Variants in GABRA2 observed in about 807,000 individuals in gnomAD.
The protein encoded by GABRA2 is gamma-aminobutyric acid type A receptor subunit alpha2.
In GABRA2, 16 loss-of-function variants were observed where a neutral mutation model predicts 48.7. The observed-to-expected ratio is 0.33, with a 90% CI of 0.22 to 0.50. The LOEUF (loss-of-function observed/expected upper bound fraction) is 0.50. GABRA2 is among the 20% of genes least tolerant of loss of function. GABRA2 has a pLI of 0.98. For missense variants in GABRA2, 275 were observed against 535.6 expected (o/e 0.51, Z 4.80); for synonymous variants, 185 against 184.5 (o/e 1.00, Z -0.02).
intron 9 of GABRA2, among the ~76,000 whole-genome samples, chr4:46,258,498 T>C (rs2109336743): frequency 6.6e-6 from 1 of 151,908 alleles, no homozygotes. Context: ...GCATTGTCAG[T>C]AAAACCCTTA....
At chr4:46,324,676 G>A (rs1245285651) in intron 4 of GABRA2, among the ~76,000 whole-genome samples, 1 of 151,642 alleles carries the variant, frequency 6.6e-6, no homozygotes, top group African/African-American at 2.4e-5. Context: ...TTGTCACCCG[G>A]GTAGTGAACA....
intron 3 of GABRA2, among the ~76,000 whole-genome samples, chr4:46,346,253 T>C (rs1734120237): frequency 6.6e-6 from 1 of 151,920 alleles, no homozygotes; most frequent in Admixed American, 6.6e-5. Context: ...ATTGTCTCCA[T>C]TCTACCACTA....
chr4:46,312,906 T>A (rs113894697), intron 4 of GABRA2, among the ~76,000 whole-genome samples, 190 bp from the exon 5 acceptor site: 1 of 151,996 alleles, frequency 6.6e-6, no homozygotes, highest in Non-Finnish European at 1.5e-5. Flanking sequence ...ATAAAGTACG[T>A]CTGTGTATAC....
chr4:46,369,923 G>A (rs1394563460), intron 3 of GABRA2, among the ~76,000 whole-genome samples: 1 of 152,042 alleles, frequency 6.6e-6, no homozygotes, highest in Non-Finnish European at 1.5e-5. Context: ...GGAAAATGTG[G>A]TTCCCAATAG....
chr4:46,262,936 A>AAAGAGAGAG lies in GABRA2; in HGVS notation c.857-809_857-808insCTCTCTCTT, dbSNP rs1438704695. Among the ~76,000 whole-genome samples the AAAGAGAGAG allele has an allele frequency of 2.1e-3, 294 of 139,210 alleles. 1 individual carries two copies. Among genetic ancestry groups the AAAGAGAGAG allele is most frequent in the African/African-American group, 7.7e-3 (281 of 36,662 alleles). 91.3% of individuals were successfully genotyped at this position (139,210 alleles called of 152,430 possible). On this transcript the variant is annotated intron_variant, in intron 8 of 9. Transcript: ENST00000381620. ...GAAAGAAAGAGAGAGAGAAAGAAAGAAGAAAGAAAGAAAGAAAGAAAGAGA... is the reference window on the plus strand; with the variant it reads ...GAAAGAAAGAGAGAGAGAAAGAAAGAAAGAGAGAGAGAAAGAAAGAAAGAAAGAAAGAGA...
intron 8 of GABRA2, among the ~76,000 whole-genome samples, chr4:46,265,814 G>C (rs1053343823): frequency 8.6e-5 from 13 of 151,798 alleles, no homozygotes; most frequent in Non-Finnish European, 1.6e-4. Flanking sequence ...TAAGTGGTTA[G>C]AGATACAAAT....
chr4:46,325,888 T>C (rs1730280983), intron 4 of GABRA2, among the ~76,000 whole-genome samples: 4 of 152,118 alleles, frequency 2.6e-5, no homozygotes, highest in Middle Eastern at 6.8e-3. Context: ...TAGCTATAAG[T>C]GCGTGGCTTT....
chr4:46,340,433 T>A (rs947280316), intron 3 of GABRA2, among the ~76,000 whole-genome samples: 9 of 151,864 alleles, frequency 5.9e-5, no homozygotes, highest in African/African-American at 2.2e-4. Flanking sequence ...TTTCTATGGA[T>A]TTGCTTATTT....
At position 46,248,468 on chromosome 4, in the gene GABRA2, AT is replaced by A. The variant is rs1714125141; in HGVS notation, c.*1839del. The A allele has an allele frequency of 1.3e-5, 2 of 151,516 alleles. No homozygotes were observed. The highest frequency in any genetic ancestry group is 4.1e-4 in the South Asian group (2 of 4,824). The allele number at this position is 151,516 out of a possible 1,614,324, so 9.4% of individuals were successfully genotyped here. On this transcript the variant is annotated 3_prime_UTR_variant, in exon 10 of 10. Transcript: ENST00000381620. ...ATTTATTGGCTCATGTAACAATTTT[AT>A]TTTATTAAGGATTATGGATTACCTC...
intron 4 of GABRA2, among the ~76,000 whole-genome samples, chr4:46,318,366 CT>C (rs1322743223): frequency 6.6e-6 from 1 of 151,008 alleles, no homozygotes; most frequent in Admixed American, 6.6e-5. Context: ...ATATAGCTGA[CT>C]AACCAGTTTT....
chr4:46,331,469 T>C (rs973471370), intron 4 of GABRA2, among the ~76,000 whole-genome samples: 1 of 152,166 alleles, frequency 6.6e-6, no homozygotes, highest in Non-Finnish European at 1.5e-5. Context: ...TGAAAGCCTA[T>C]AAAAATGGAA....
chr4:46,364,167 C>T (rs959739059), intron 3 of GABRA2: 11 of 152,118 alleles, frequency 7.2e-5, no homozygotes, highest in African/African-American at 2.7e-4. Flanking sequence ...CAGAGTTATA[C>T]ACTAATAATT....
chr4:46,356,039 T>C (rs1170247817), intron 3 of GABRA2, among the ~76,000 whole-genome samples: 1 of 152,196 alleles, frequency 6.6e-6, no homozygotes, highest in Admixed American at 6.5e-5. Flanking sequence ...TATTTCTTAA[T>C]GCACATAAGG....
At chr4:46,292,600 C>G (rs1723889697) in intron 8 of GABRA2, among the ~76,000 whole-genome samples, 1 of 152,114 alleles carries the variant, frequency 6.6e-6, no homozygotes, top group Non-Finnish European at 1.5e-5. Context: ...TTTAATGTTG[C>G]AGCTCAGGGA....
chr4:46,269,711 T>A lies in GABRA2; in HGVS notation c.857-7583A>T, dbSNP rs185833567. The stretch of plus-strand genomic sequence containing the variant: ...AATTAAAACGGACTTGTGGCTGACT[T>A]TTTTTTGTTTCACATTTTTTTACTA... On this transcript the variant is annotated intron_variant, in intron 8 of 9. Coordinates refer to ENST00000381620, the MANE Select transcript of GABRA2 (RefSeq NM_000807.4). 3.6e-4 allele frequency among the ~76,000 whole-genome samples: 54 copies of A among 151,884 alleles called. No individual in the cohort carries two copies. In the Middle Eastern group the frequency reaches 0.014, roughly 38 times the overall value.
Position 46,243,730 on chromosome 4 carries a change from T to A in GABRA2, c.*6578A>T, listed in dbSNP as rs1249919118. On this transcript the variant is annotated 3_prime_UTR_variant, in exon 10 of 10. Transcript: ENST00000381620. ...AATATTAGTTCTTGAGTTATTTTCA[T>A]GAACCAGAAAACCTACCAATAAGTA... 6.6e-6 allele frequency: 1 copy of A among 151,448 alleles called. No individual in the cohort carries two copies. Among genetic ancestry groups the A allele is most frequent in the Non-Finnish European group, 1.5e-5 (1 of 67,578 alleles). The allele number at this position is 151,448 out of a possible 1,614,324, so 9.4% of individuals were successfully genotyped here.
chr4:46,249,680 G>T lies in GABRA2; in HGVS notation c.*628C>A, dbSNP rs200081434. ...ATGACATTCCAATAGTTATTACATC[G>T]TAGGCATAATTAACATCCTTTCGGG... On this transcript the variant is annotated 3_prime_UTR_variant, in exon 10 of 10. Coordinates refer to ENST00000381620, the MANE Select transcript of GABRA2 (RefSeq NM_000807.4). 2 of 151,152 alleles carry T rather than the reference G, an allele frequency of 1.3e-5. No homozygotes were observed. The highest frequency in any genetic ancestry group is 3.0e-5 in the Non-Finnish European group (2 of 67,646). 9.4% of individuals were successfully genotyped at this position (151,152 alleles called of 1,614,324 possible). A position where few individuals can be genotyped will look rare whatever the true frequency, so the allele number is the denominator to read the frequency against.
intron 8 of GABRA2, among the ~76,000 whole-genome samples, chr4:46,291,248 T>C (rs1402988776): frequency 6.6e-6 from 1 of 152,204 alleles, no homozygotes; most frequent in Admixed American, 6.5e-5. Context: ...TGCTTACTTA[T>C]GGAAATTCTC....
chr4:46,297,240 T>C (rs562173077), intron 8 of GABRA2, among the ~76,000 whole-genome samples: 1 of 152,046 alleles, frequency 6.6e-6, no homozygotes, highest in East Asian at 1.9e-4. Context: ...AGAAACCATC[T>C]AATCAGCTGC....
Sources: allele counts gnomAD v4.1 joint callset (sites outside exome capture counted in the v4.1 genomes callset), GRCh38; gene constraint gnomAD v4.1.1; transcripts MANE v1.5; gene names NCBI Gene and HGNC (gene_info 2026-07-23, HGNC 2026-07-21).